The following RP1 variants were observed in gnomAD, a reference collection of about 807,000 sequenced individuals.
RP1 encodes the protein RP1 axonemal microtubule associated.
In RP1, 16 loss-of-function variants were observed where a neutral mutation model predicts 14.8. That is an observed-to-expected ratio of 1.08 (90% CI 0.73 to 1.65). The LOEUF (loss-of-function observed/expected upper bound fraction) is 1.65. Among genes scored for constraint, RP1 ranks in the 40% most tolerant of loss-of-function variants. The pLI is 0.00. For synonymous variants in RP1, 876 were observed against 883.6 expected (o/e 0.99, Z 0.15); for missense variants, 2,631 against 2,535.0 (o/e 1.04, Z -0.81).
chr8:54,742,853 G>A (rs1371423077), intron 19 of RP1, among the ~76,000 whole-genome samples: 2 of 152,224 alleles, frequency 1.3e-5, no homozygotes, highest in Admixed American at 6.5e-5. Context: ...AGTGGTTGAG[G>A]GGTATAGCAA....
At chr8:54,677,680 T>C (rs1411720578) in intron 8 of RP1, among the ~76,000 whole-genome samples, 1 of 152,150 alleles carries the variant, frequency 6.6e-6, no homozygotes, top group African/African-American at 2.4e-5. Flanking sequence ...TGAACTGTGA[T>C]TGCACTACTG....
chr8:54,804,504 A>G (rs966699493), intron 24 of RP1, among the ~76,000 whole-genome samples: 2 of 152,156 alleles, frequency 1.3e-5, no homozygotes, highest in African/African-American at 4.8e-5. Flanking sequence ...CACAACTGTA[A>G]TTGAGAACCA....
At chr8:54,736,631 TG>T (rs1443720939) in intron 18 of RP1, among the ~76,000 whole-genome samples, 2 of 152,166 alleles carry the variant, frequency 1.3e-5, no homozygotes, top group East Asian at 3.9e-4. Flanking sequence ...TACTGGCCTC[TG>T]TCATTTACTG....
At chr8:54,605,232 T>C (rs751509653) in intron 1 of RP1, among the ~76,000 whole-genome samples, 1 of 152,232 alleles carries the variant, frequency 6.6e-6, no homozygotes, top group African/African-American at 2.4e-5. Context: ...GATTCTGGTA[T>C]GTTGTGTCTT....
intron 6 of RP1, among the ~76,000 whole-genome samples, chr8:54,661,338 G>T (rs1191679758): frequency 1.5e-5 from 1 of 66,616 alleles, no homozygotes; most frequent in Non-Finnish European, 3.3e-5. Context: ...AATTAGCTGG[G>T]CATGGTAGCA....
intron 1 of RP1, among the ~76,000 whole-genome samples, chr8:54,609,579 A>C (rs1448217121): frequency 6.6e-6 from 1 of 152,178 alleles, no homozygotes; most frequent in Non-Finnish European, 1.5e-5. Flanking sequence ...CCACAAGCCT[A>C]CTATACCTCC....
intron 24 of RP1, among the ~76,000 whole-genome samples, chr8:54,796,862 C>T (rs938400340): frequency 5.3e-5 from 8 of 151,900 alleles, no homozygotes; most frequent in East Asian, 3.9e-4. Flanking sequence ...AAATGAGGAA[C>T]GAAAATGGAA....
intron 12 of RP1, among the ~76,000 whole-genome samples, chr8:54,695,851 A>G (rs951951260): frequency 1.2e-4 from 18 of 152,324 alleles, no homozygotes; most frequent in African/African-American, 4.3e-4. Flanking sequence ...GTGCTTGTCA[A>G]CATGGTTTAA....
intron 1 of RP1, among the ~76,000 whole-genome samples, chr8:54,580,366 G>T (rs1436169348): frequency 1.4e-5 from 2 of 147,654 alleles, no homozygotes; most frequent in African/African-American, 5.1e-5. Context: ...GAGTGCAGTG[G>T]TGTGATCTCG....
At chr8:54,579,548 T>G (rs1210640017) in intron 1 of RP1, among the ~76,000 whole-genome samples, 1 of 152,180 alleles carries the variant, frequency 6.6e-6, no homozygotes, top group Non-Finnish European at 1.5e-5. Flanking sequence ...AACATTCTCT[T>G]ACATCCTGTG....
downstream of RP1, among the ~76,000 whole-genome samples, chr8:54,631,345 G>C (rs530979366): frequency 3.4e-4 from 52 of 152,276 alleles, no homozygotes; most frequent in African/African-American, 9.4e-4. Context: ...TGTTATGTAA[G>C]TTTCTGTAGT....
At chr8:54,855,030 C>T (rs1812158101) in intron 26 of RP1, among the ~76,000 whole-genome samples, 2 of 151,690 alleles carry the variant, frequency 1.3e-5, no homozygotes, top group Non-Finnish European at 2.9e-5. Flanking sequence ...TTTCATTTTG[C>T]AAAACTGAAA....
chr8:54,782,263 G>T (rs1056141006), intron 23 of RP1, among the ~76,000 whole-genome samples: 1 of 152,108 alleles, frequency 6.6e-6, no homozygotes, highest in Non-Finnish European at 1.5e-5. Flanking sequence ...CTGCCCCTTT[G>T]GCTTTCGGTA....
At chr8:54,669,608 C>T (rs1400009133) in intron 7 of RP1, among the ~76,000 whole-genome samples, 3 of 152,064 alleles carry the variant, frequency 2.0e-5, no homozygotes, top group Non-Finnish European at 4.4e-5. Flanking sequence ...TTCACAATAG[C>T]AAAGACTTGG....
Position 54,625,050 on chromosome 8 carries a change from G to A in RP1, c.1168G>A (p.Asp390Asn). ...GCTTGCAGCATGTTCATTCTCTGCA[G>A]ATGTGTCACCTATGGAGCGAAGCAG... ...LKLAACSFSADVSPMERSSNQ... is the reference protein window; with the variant it reads ...LKLAACSFSANVSPMERSSNQ... Residue 390 changes from aspartate to asparagine, a missense_variant, in exon 4 of 4, where the codon GAT becomes AAT. Physicochemically the swap from Asp to Asn is conservative, Grantham distance 23. Transcript: ENST00000220676. 1.2e-6 allele frequency: 2 copies of A among 1,614,204 alleles called. No individual in the cohort carries two copies. The highest frequency in any genetic ancestry group is 1.7e-6 in the Non-Finnish European group (2 of 1,180,044).
chr8:54,787,642 C>T (rs1204015631), intron 24 of RP1, among the ~76,000 whole-genome samples: 1 of 152,102 alleles, frequency 6.6e-6, no homozygotes, highest in African/African-American at 2.4e-5. Flanking sequence ...AAAGTTAGTG[C>T]TTATGCCGTT....
chr8:54,596,622 G>A (rs1489533361), intron 1 of RP1, among the ~76,000 whole-genome samples: 1 of 152,068 alleles, frequency 6.6e-6, no homozygotes, highest in Non-Finnish European at 1.5e-5. Context: ...TTTTGTTAGT[G>A]GTACCACAGG....
In RP1 at chr8:54,627,642, G is replaced by GA; in HGVS notation, c.3760_3761insA (p.Val1254AspfsTer7). ...TGCCCCTGAAGTCTGTGTTTTGGAAGTGACTTGCTCTCCATGTGAGATGTG... is the reference window on the plus strand; with the variant it reads ...TGCCCCTGAAGTCTGTGTTTTGGAAGATGACTTGCTCTCCATGTGAGATGTG... On this transcript the variant is annotated frameshift_variant, in exon 4 of 4. Coordinates refer to ENST00000220676, the MANE Select transcript of RP1 (RefSeq NM_006269.2). LOFTEE classifies it low-confidence loss of function (END_TRUNC). 2 of 1,614,170 alleles carry GA rather than the reference G, an allele frequency of 1.2e-6. No individual in the cohort carries two copies. The highest frequency in any genetic ancestry group is 1.7e-6 in the Non-Finnish European group (2 of 1,179,980).
chr8:54,662,658 C>T (rs1355336455), intron 6 of RP1, among the ~76,000 whole-genome samples: 2 of 152,100 alleles, frequency 1.3e-5, no homozygotes, highest in South Asian at 2.1e-4. Flanking sequence ...GGGCTTCTAC[C>T]GAGCCCCCAT....
Sources: allele counts gnomAD v4.1 joint callset (sites outside exome capture counted in the v4.1 genomes callset), GRCh38; gene constraint gnomAD v4.1.1; transcripts MANE v1.5; gene names NCBI Gene and HGNC (gene_info 2026-07-23, HGNC 2026-07-21).